IL1R1: variants seen among roughly 807,000 people sequenced by gnomAD.
IL1R1 encodes the protein interleukin-1 receptor type 1.
A neutral mutation model predicts 50.2 loss-of-function variants in IL1R1; 22 were observed. The observed-to-expected ratio is 0.44, with a 90% CI of 0.31 to 0.63. The LOEUF is 0.63. Among genes scored for constraint, IL1R1 ranks in the 20% least tolerant of loss-of-function variants. The probability of loss-of-function intolerance (pLI) is 0.07; values close to 1 mark genes in which losing one functional copy is unlikely to be tolerated. For synonymous variants in IL1R1, 251 were observed against 236.7 expected, an observed-to-expected ratio of 1.06 and a Z score of -0.55; for missense variants, 509 against 676.2, an observed-to-expected ratio of 0.75 and a Z score of 2.74.
intron 3 of IL1R1, among the ~76,000 whole-genome samples, chr2:102,158,286 C>T (rs6716532): frequency 2.7e-4 from 41 of 152,232 alleles, no homozygotes; most frequent in African/African-American, 9.4e-4. Context: ...ACAGTGCACA[C>T]AGAAATACCT....
intron 1 of IL1R1, among the ~76,000 whole-genome samples, chr2:102,113,620 C>G (rs770914840): frequency 1.6e-4 from 24 of 152,138 alleles, no homozygotes; most frequent in African/African-American, 5.8e-4. Context: ...TCATTACTTG[C>G]GATTTTATTT....
At chr2:102,091,721 C>T (rs1287125724) in intron 1 of IL1R1, among the ~76,000 whole-genome samples, 1 of 152,192 alleles carries the variant, frequency 6.6e-6, no homozygotes, top group Admixed American at 6.5e-5. Context: ...AGAACATATG[C>T]TTTCTATCTA....
At chr2:102,081,915 G>A (rs1390351050) in intron 1 of IL1R1, among the ~76,000 whole-genome samples, 2 of 152,138 alleles carry the variant, frequency 1.3e-5, no homozygotes, top group Non-Finnish European at 2.9e-5. Context: ...AGAGAGTAAA[G>A]GCAGTTCTAC....
intron 1 of IL1R1, among the ~76,000 whole-genome samples, chr2:102,088,658 C>G (rs1382474734): frequency 6.6e-6 from 1 of 152,200 alleles, no homozygotes; most frequent in Non-Finnish European, 1.5e-5. Flanking sequence ...CAAAACCAGA[C>G]GTTGACTTCT....
chr2:102,127,645 G>GTGTGTGTGTGAC (rs1038111393), intron 1 of IL1R1, among the ~76,000 whole-genome samples: 1 of 135,598 alleles, frequency 7.4e-6, no homozygotes, highest in Admixed American at 7.5e-5. Context: ...AGACAGAGAT[G>GTGTGTGTGTGAC]TGTGTGTGTG....
At chr2:102,098,867 G>A (rs142029724) in intron 1 of IL1R1, among the ~76,000 whole-genome samples, 174 of 152,272 alleles carry the variant, frequency 1.1e-3, no homozygotes, top group Non-Finnish European at 1.8e-3. Context: ...GAATCTTCCT[G>A]CAGATTTAGT....
chr2:102,120,552 G>A (rs553542397), intron 1 of IL1R1, among the ~76,000 whole-genome samples: 4 of 152,190 alleles, frequency 2.6e-5, no homozygotes, highest in Non-Finnish European at 4.4e-5. Context: ...CAGGGTCTGC[G>A]TTGTGTTCAT....
intron 1 of IL1R1, among the ~76,000 whole-genome samples, chr2:102,098,653 T>C (rs184887576): frequency 6.6e-6 from 1 of 152,140 alleles, no homozygotes; most frequent in Non-Finnish European, 1.5e-5. Flanking sequence ...TAAAAACTAT[T>C]TGTTAAGTCA....
At chr2:102,160,039 AC>A (rs775987071) in intron 3 of IL1R1, among the ~76,000 whole-genome samples, 8 of 151,696 alleles carry the variant, frequency 5.3e-5, no homozygotes, top group Non-Finnish European at 1.0e-4. Flanking sequence ...GATTTATGAG[AC>A]CCCCACTCCA....
intron 1 of IL1R1, among the ~76,000 whole-genome samples, chr2:102,123,361 C>T (rs62156387): frequency 0.16 from 23,779 of 152,164 alleles, 2,029 homozygotes; most frequent in South Asian, 0.2. Flanking sequence ...TGGAATGAGG[C>T]ATACCCAGAG....
At chr2:102,084,749 G>A (rs1205349376) in intron 1 of IL1R1, among the ~76,000 whole-genome samples, 1 of 152,088 alleles carries the variant, frequency 6.6e-6, no homozygotes, top group Non-Finnish European at 1.5e-5. Context: ...TGTTGGTCTT[G>A]TACCTGTGAG....
intron 1 of IL1R1, among the ~76,000 whole-genome samples, chr2:102,146,084 C>T (rs2104460960): frequency 6.6e-6 from 1 of 151,976 alleles, no homozygotes; most frequent in East Asian, 1.9e-4. Context: ...AAATGACCCT[C>T]CCTGTAAGCA....
chr2:102,172,498 A>G (rs1431248837), intron 8 of IL1R1, 189 bp from the exon 9 acceptor site: 7 of 1,156,076 alleles, frequency 6.1e-6, no homozygotes, highest in African/African-American at 4.8e-5. Flanking sequence ...TGTTACTGAC[A>G]GTGGTCTTGG....
At chr2:102,176,200 A>G in intron 11 of IL1R1, 153 bp from the exon 12 acceptor site, 1 of 641,222 alleles carries the variant, frequency 1.6e-6, no homozygotes, top group Non-Finnish European at 2.6e-6. Flanking sequence ...AAATTAATTA[A>G]TTAAAAACAT....
At chr2:102,105,312 G>A (rs1172433826) in intron 1 of IL1R1, among the ~76,000 whole-genome samples, 1 of 116,372 alleles carries the variant, frequency 8.6e-6, no homozygotes, top group African/African-American at 3.6e-5. Context: ...CTTCTACAGT[G>A]TTAGAGAGGC....
intron 2 of IL1R1, among the ~76,000 whole-genome samples, chr2:102,155,116 G>A (rs1233777536): frequency 2.6e-5 from 4 of 152,254 alleles, no homozygotes; most frequent in African/African-American, 9.6e-5. Flanking sequence ...GAATGCAGCA[G>A]TGAGTGAATA....
intron 1 of IL1R1, among the ~76,000 whole-genome samples, chr2:102,113,051 C>T (rs148260248): frequency 6.6e-6 from 1 of 152,370 alleles, no homozygotes; most frequent in East Asian, 1.9e-4. Context: ...TCTTACACTT[C>T]CAGCCTCCAG....
chr2:102,125,857 G>C (rs969239346), intron 1 of IL1R1, among the ~76,000 whole-genome samples: 1 of 152,172 alleles, frequency 6.6e-6, no homozygotes, highest in Non-Finnish European at 1.5e-5. Context: ...AATAAGACAC[G>C]GAATTTGAAA....
intron 1 of IL1R1, among the ~76,000 whole-genome samples, chr2:102,125,093 C>T (rs1381698090): frequency 2.0e-5 from 3 of 152,252 alleles, no homozygotes; most frequent in Admixed American, 6.5e-5. Context: ...CTCACCCTTG[C>T]GGCTTGCCAG....
Sources: gnomAD v4.1 joint callset for allele counts (sites outside exome capture counted in the v4.1 genomes callset) on GRCh38, gnomAD v4.1.1 for gene constraint, MANE v1.5 for transcripts, NCBI Gene and HGNC (gene_info 2026-07-23, HGNC 2026-07-21) for gene names.